PTPRT: variants seen among roughly 807,000 people sequenced by gnomAD.
PTPRT encodes the protein receptor-type tyrosine-protein phosphatase T.
PTPRT carries 56 observed loss-of-function variants against 176.8 expected under a neutral mutation model. That is an observed-to-expected ratio of 0.32 (90% CI 0.26 to 0.40). The LOEUF (loss-of-function observed/expected upper bound fraction) is 0.40, where lower values mean the gene tolerates loss of function less well. PTPRT is among the 10% of genes least tolerant of loss of function. The pLI is 1.00. For missense variants in PTPRT, 1,540 were observed against 1,908.2 expected (o/e 0.81, Z 3.60); for synonymous variants, 783 against 739.0 (o/e 1.06, Z -0.96).
chr20:42,140,414 G>A (rs1485559161), intron 18 of PTPRT, among the ~76,000 whole-genome samples: 1 of 152,152 alleles, frequency 6.6e-6, no homozygotes, highest in African/African-American at 2.4e-5. Context: ...TGTCTTCTCT[G>A]TATTTATTTT....
chr20:42,782,911 A>C (rs1292066416), intron 3 of PTPRT, among the ~76,000 whole-genome samples: 1 of 152,228 alleles, frequency 6.6e-6, no homozygotes, highest in East Asian at 1.9e-4. Flanking sequence ...CATGGGTTGA[A>C]GACTTTAATC....
intron 1 of PTPRT, among the ~76,000 whole-genome samples, chr20:42,988,098 G>C (rs1983703000): frequency 6.6e-6 from 1 of 152,198 alleles, no homozygotes. Flanking sequence ...ACATGGGAGG[G>C]ATTCTACAAG....
intron 3 of PTPRT, among the ~76,000 whole-genome samples, chr20:42,782,421 C>T (rs943612038): frequency 6.6e-5 from 10 of 152,190 alleles, no homozygotes; most frequent in African/African-American, 2.2e-4. Context: ...ACATCAATGA[C>T]GTGAATCCAA....
intron 7 of PTPRT, among the ~76,000 whole-genome samples, chr20:42,557,806 C>T (rs971862928): frequency 6.6e-6 from 1 of 152,164 alleles, no homozygotes; most frequent in Non-Finnish European, 1.5e-5. Context: ...CCTGGATAAG[C>T]CCAATAGCCC....
intron 9 of PTPRT, among the ~76,000 whole-genome samples, chr20:42,391,593 T>A (rs2058800231): frequency 6.6e-6 from 1 of 152,120 alleles, no homozygotes; most frequent in Admixed American, 6.5e-5. Flanking sequence ...CCTGTAGTGA[T>A]AGGGTACGCC....
At chr20:42,985,617 C>A (rs1049070480) in intron 1 of PTPRT, among the ~76,000 whole-genome samples, 4 of 152,036 alleles carry the variant, frequency 2.6e-5, no homozygotes, top group Non-Finnish European at 4.4e-5. Context: ...GGAAACAGAT[C>A]AAAAACAATG....
chr20:43,011,391 A>G (rs994228389), intron 1 of PTPRT, among the ~76,000 whole-genome samples: 37 of 152,244 alleles, frequency 2.4e-4, no homozygotes, highest in African/African-American at 8.9e-4. Context: ...ACTTCAATAA[A>G]TACTCCAAAA....
chr20:42,307,214 G>A (rs771744674), intron 12 of PTPRT, among the ~76,000 whole-genome samples: 11 of 152,192 alleles, frequency 7.2e-5, no homozygotes, highest in Non-Finnish European at 1.5e-4. Context: ...CCAGTGGAAT[G>A]TGAAAATGCT....
chr20:43,016,789 G>T (rs915828662), intron 1 of PTPRT, among the ~76,000 whole-genome samples: 1 of 151,740 alleles, frequency 6.6e-6, no homozygotes, highest in Admixed American at 6.6e-5. Context: ...CGCCCACCTC[G>T]GCCTCCCAAA....
At chr20:42,870,284 G>C (rs2078822723) in intron 2 of PTPRT, among the ~76,000 whole-genome samples, 1 of 152,140 alleles carries the variant, frequency 6.6e-6, no homozygotes, top group Middle Eastern at 3.2e-3. Flanking sequence ...TGATTTATCT[G>C]TCATAACATA....
chr20:42,202,065 G>A (rs1210441896), intron 15 of PTPRT, among the ~76,000 whole-genome samples: 1 of 151,792 alleles, frequency 6.6e-6, no homozygotes, highest in Non-Finnish European at 1.5e-5. Flanking sequence ...TGCCTCCCAG[G>A]CTCAAGTAAT....
rs147241332 is a variant in PTPRT, at chr20:42,738,983, C to A, written c.859+17479G>T. The stretch of plus-strand genomic sequence containing the variant: ...CTCAAAGAGGCTGAGGTGGGAGGAT[C>A]GCTGAGCCTGGGAGGTTGAAGCTGC... On this transcript the variant is annotated intron_variant, in intron 6 of 30. Transcript: ENST00000373187. 4.1e-3 allele frequency among the ~76,000 whole-genome samples: 620 copies of A among 152,164 alleles called. 5 individuals are homozygous for A. The highest frequency in any genetic ancestry group is 0.014 in the African/African-American group (597 of 41,520).
At chr20:42,444,318 T>C (rs994295832) in intron 9 of PTPRT, among the ~76,000 whole-genome samples, 25 of 149,348 alleles carry the variant, frequency 1.7e-4, no homozygotes, top group African/African-American at 5.0e-4. Flanking sequence ...CAAAAAGAGG[T>C]AGAATTTTTG....
At chr20:42,483,365 C>A (rs1490532642) in intron 7 of PTPRT, among the ~76,000 whole-genome samples, 2 of 152,122 alleles carry the variant, frequency 1.3e-5, no homozygotes, top group Middle Eastern at 3.2e-3. Flanking sequence ...GGTTTCACCA[C>A]ATTGGCCAGG....
At chr20:42,483,223 T>C (rs2071414487) in intron 7 of PTPRT, among the ~76,000 whole-genome samples, 1 of 152,262 alleles carries the variant, frequency 6.6e-6, no homozygotes, top group South Asian at 2.1e-4. Flanking sequence ...TGGAGTTCAG[T>C]GGCGTGATCT....
intron 1 of PTPRT, among the ~76,000 whole-genome samples, chr20:43,164,220 T>G (rs1328450526): frequency 6.6e-6 from 1 of 152,228 alleles, no homozygotes; most frequent in Admixed American, 6.5e-5. Context: ...GGGACAAGGA[T>G]GTGCTGGCAC....
intron 6 of PTPRT, among the ~76,000 whole-genome samples, chr20:42,738,614 G>T (rs2076568890): frequency 6.6e-6 from 1 of 152,058 alleles, no homozygotes; most frequent in South Asian, 2.1e-4. Flanking sequence ...AATAGTCGAA[G>T]CCCTGATCCA....
At chr20:42,430,399 A>G (rs1220819123) in intron 9 of PTPRT, among the ~76,000 whole-genome samples, 2 of 152,154 alleles carry the variant, frequency 1.3e-5, no homozygotes, top group Non-Finnish European at 2.9e-5. Flanking sequence ...AACAGTGCAG[A>G]CCCTGACTCA....
intron 1 of PTPRT, among the ~76,000 whole-genome samples, chr20:43,146,135 T>C (rs2014160076): frequency 6.6e-6 from 1 of 152,078 alleles, no homozygotes; most frequent in South Asian, 2.1e-4. Context: ...CTTCTTGGAC[T>C]TTTTTTCTCT....
Sources: gnomAD v4.1 joint callset for allele counts (sites outside exome capture counted in the v4.1 genomes callset) on GRCh38, gnomAD v4.1.1 for gene constraint, MANE v1.5 for transcripts, NCBI Gene and HGNC (gene_info 2026-07-23, HGNC 2026-07-21) for gene names.